The following AKT3 variants were observed in gnomAD, a reference collection of about 807,000 sequenced individuals.
The protein encoded by AKT3 is RAC-gamma serine/threonine-protein kinase.
A neutral mutation model predicts 65.3 loss-of-function variants in AKT3; 15 were observed. The ratio of observed to expected loss-of-function variants is 0.23; its 90% confidence interval spans 0.15 to 0.35. AKT3 has a LOEUF of 0.35. Among genes scored for constraint, AKT3 ranks in the 10% least tolerant of loss-of-function variants. The probability of loss-of-function intolerance (pLI) is 1.00; values close to 1 mark genes in which losing one functional copy is unlikely to be tolerated. For synonymous variants in AKT3, 206 were observed against 183.8 expected (o/e 1.12, Z -0.98); for missense variants, 243 against 576.5 (o/e 0.42, Z 5.92).
At chr1:243,754,813 G>A (rs903140813) in intron 2 of AKT3, among the ~76,000 whole-genome samples, 2 of 152,120 alleles carry the variant, frequency 1.3e-5, no homozygotes, top group Admixed American at 1.3e-4. Flanking sequence ...AGCAGCCCCC[G>A]GTGCCAAGAA....
At chr1:243,506,995 A>G (rs1669710441) in intron 13 of AKT3, among the ~76,000 whole-genome samples, 1 of 152,258 alleles carries the variant, frequency 6.6e-6, no homozygotes, top group Non-Finnish European at 1.5e-5. Context: ...GAATACGGGC[A>G]GCTAAAACCT....
intron 9 of AKT3, 105 bp from the exon 10 acceptor site, chr1:243,563,953 G>A (rs1399962982): frequency 1.8e-6 from 2 of 1,140,194 alleles, no homozygotes; most frequent in Admixed American, 2.9e-5. Context: ...TTGGAAACAG[G>A]ACATAGTTGT....
intron 2 of AKT3, among the ~76,000 whole-genome samples, chr1:243,768,758 C>A (rs1053007774): frequency 6.7e-6 from 1 of 149,678 alleles, no homozygotes; most frequent in Non-Finnish European, 1.5e-5. Context: ...TCACTTGAAC[C>A]GAGGAGGCAG....
chr1:243,808,240 G>A (rs1692881732), intron 2 of AKT3: 1 of 152,184 alleles, frequency 6.6e-6, no homozygotes, highest in Admixed American at 6.5e-5. Context: ...CAGAGCTAAA[G>A]GAGGAAGTTG....
At chr1:243,512,267 A>G (rs1243420908) in intron 13 of AKT3, 57 bp downstream of exon 13, 1 of 971,728 alleles carries the variant, frequency 1.0e-6, no homozygotes, top group Non-Finnish European at 1.5e-6. Context: ...GTTTTCTTCA[A>G]TTACATTAGG....
intron 4 of AKT3, among the ~76,000 whole-genome samples, chr1:243,663,221 G>A (rs902015257): frequency 3.3e-5 from 5 of 152,150 alleles, no homozygotes; most frequent in Non-Finnish European, 7.4e-5. Context: ...GATAGAAAAG[G>A]TACAAAGAAA....
intron 6 of AKT3, among the ~76,000 whole-genome samples, chr1:243,627,820 C>G (rs1027793226): frequency 6.6e-6 from 1 of 152,166 alleles, no homozygotes; most frequent in African/African-American, 2.4e-5. Context: ...TTGAGTTTTG[C>G]GAAGAAAAAT....
intron 8 of AKT3, among the ~76,000 whole-genome samples, chr1:243,587,916 CAG>C (rs1675924170): frequency 1.3e-5 from 2 of 151,998 alleles, no homozygotes; most frequent in South Asian, 4.1e-4. Context: ...ATATCTAAAA[CAG>C]AAGATGAAAA....
intron 9 of AKT3, among the ~76,000 whole-genome samples, chr1:243,565,365 GGGC>G (rs1420946198): frequency 6.6e-6 from 1 of 152,044 alleles, no homozygotes; most frequent in African/African-American, 2.4e-5. Flanking sequence ...CTGGGAACAC[GGGC>G]ACGTGCCACC....
intron 4 of AKT3, among the ~76,000 whole-genome samples, chr1:243,649,313 ATGTGTGTGTGTGTGTGTGTGTG>A (rs55765060): frequency 1.4e-5 from 2 of 145,930 alleles, no homozygotes; most frequent in Admixed American, 1.4e-4. Context: ...TTATGTGTAT[ATGTGTGTGTGTGTGTGTGTGTG>A]TGTGTGTGTG....
In AKT3 at chr1:243,642,560, T is replaced by C. The variant is rs377584674; in HGVS notation, c.429+3333A>G. On this transcript the variant is annotated intron_variant, in intron 5 of 13. Coordinates refer to ENST00000673466, the MANE Select transcript of AKT3 (RefSeq NM_005465.7). ...TCCTGACCTTGTGATCCGCCCACCT[T>C]GGCCTCCCAAAGTGCTGGGATTACA... is the stretch of plus-strand genomic sequence containing the variant. Among the ~76,000 whole-genome samples, 1,090 of 152,208 alleles carry C rather than the reference T, an allele frequency of 7.2e-3. 6 individuals carry two copies. The highest frequency in any genetic ancestry group is 0.012 in the South Asian group (60 of 4,822).
In AKT3 at chr1:243,795,614, G is replaced by A. The variant is rs951065373; in HGVS notation, c.46+47511C>T. 1.0e-4 allele frequency among the ~76,000 whole-genome samples: 15 copies of A among 149,576 alleles called. 1 individual carries two copies. Among genetic ancestry groups the A allele is most frequent in the African/African-American group, 3.7e-4 (15 of 40,922 alleles). On this transcript the variant is annotated intron_variant, in intron 2 of 13. Transcript: ENST00000673466. ...AGCCTCCCAAGTAGCTGGGACTACA[G>A]GCGCCCGCCACTACGCCCGGCTAAT...
At chr1:243,551,839 TA>T (rs1239902757) in intron 11 of AKT3, among the ~76,000 whole-genome samples, 1 of 152,094 alleles carries the variant, frequency 6.6e-6, no homozygotes, top group African/African-American at 2.4e-5. Context: ...TAAACATGAA[TA>T]AAAATACTGT....
chr1:243,644,148 A>G (rs983585689), intron 5 of AKT3, among the ~76,000 whole-genome samples: 20 of 152,194 alleles, frequency 1.3e-4, no homozygotes, highest in Non-Finnish European at 4.4e-5. Flanking sequence ...TTCTTGGTTC[A>G]TATATCTTGA....
intron 11 of AKT3, among the ~76,000 whole-genome samples, chr1:243,550,325 A>C (rs868091684): frequency 1.2e-4 from 18 of 152,184 alleles, no homozygotes; most frequent in African/African-American, 4.3e-4. Flanking sequence ...TTCTCATTAG[A>C]TCAATATCAA....
chr1:243,525,995 A>T (rs1158997418), intron 12 of AKT3, among the ~76,000 whole-genome samples: 1 of 151,440 alleles, frequency 6.6e-6, no homozygotes, highest in East Asian at 2.0e-4. Context: ...TTATAGTCAA[A>T]AGGCTTAAAA....
chr1:243,687,124 GACT>G (rs1041043721), intron 3 of AKT3, among the ~76,000 whole-genome samples: 2 of 152,120 alleles, frequency 1.3e-5, no homozygotes, highest in Admixed American at 6.6e-5. Flanking sequence ...CAGGTCTTCT[GACT>G]ACAAGTCCAA....
chr1:243,516,010 C>A (rs1670330585), intron 12 of AKT3, among the ~76,000 whole-genome samples: 1 of 151,938 alleles, frequency 6.6e-6, no homozygotes, highest in African/African-American at 2.4e-5. Context: ...ATATTGATAT[C>A]AAGTTAATAC....
intron 8 of AKT3, among the ~76,000 whole-genome samples, chr1:243,592,721 G>C (rs1329858700): frequency 6.6e-6 from 1 of 152,110 alleles, no homozygotes; most frequent in Non-Finnish European, 1.5e-5. Context: ...TCAGAATGAA[G>C]GAAAATGACA....
Sources: allele counts gnomAD v4.1 joint callset (sites outside exome capture counted in the v4.1 genomes callset), GRCh38; gene constraint gnomAD v4.1.1; transcripts MANE v1.5; gene names NCBI Gene and HGNC (gene_info 2026-07-23, HGNC 2026-07-21).